Variants in GCFC2 observed in about 807,000 individuals in gnomAD.
GCFC2 encodes the protein intron Large complex component GCFC2.
A neutral mutation model predicts 99.4 loss-of-function variants in GCFC2; 102 were observed. The ratio of observed to expected loss-of-function variants is 1.03; its 90% CI spans 0.87 to 1.21. GCFC2 has a LOEUF of 1.21. Ranked by LOEUF, GCFC2 falls within the 50% of genes most tolerant of loss-of-function variation. GCFC2 has a pLI of 0.00. For synonymous variants in GCFC2, 338 were observed against 316.8 expected (o/e 1.07, Z -0.71); for missense variants, 973 against 920.9 (o/e 1.06, Z -0.73).
chr2:75,702,077 T>C (rs1680620254), intron 3 of GCFC2, 122 bp downstream of exon 3: 3 of 1,465,052 alleles, frequency 2.0e-6, no homozygotes, highest in East Asian at 5.0e-5. Context: ...ACCAAATCGA[T>C]GTTAAAAACC....
At position 75,689,059 on chromosome 2, in the gene GCFC2, T is replaced by G; in HGVS notation, c.1506A>C (p.Ile502=). The stretch of plus-strand genomic sequence containing the variant: ...GATTCCAATCAATCAACTGAACTCG[T>G]ATTAGGGGATTTAAAAGCTTTGGTA... The part of the protein sequence containing the change: ...LCIPKLLNPL[I]RVQLIDWNPL... Residue 502 remains isoleucine (I), a synonymous_variant, in exon 10 of 17, where the codon ATA becomes ATC. Transcript: ENST00000321027. The G allele has an allele frequency of 6.3e-7, 1 of 1,590,404 alleles. No homozygotes were observed. Among genetic ancestry groups the G allele is most frequent in the African/African-American group, 1.3e-5 (1 of 74,312 alleles).
chr2:75,687,059 T>C (rs760150252), intron 11 of GCFC2, among the ~76,000 whole-genome samples: 71 of 152,150 alleles, frequency 4.7e-4, no homozygotes, highest in Middle Eastern at 6.8e-3. Context: ...CTCAGCCTCC[T>C]GAGTAGCTGG....
intron 12 of GCFC2, among the ~76,000 whole-genome samples, chr2:75,675,155 A>G (rs904754252): frequency 1.1e-4 from 17 of 152,218 alleles, no homozygotes; most frequent in Admixed American, 3.3e-4. Context: ...ATCAACTGGC[A>G]AAAGTGGAAT....
intron 9 of GCFC2, among the ~76,000 whole-genome samples, 159 bp from the exon 10 acceptor site, chr2:75,689,384 A>G (rs1256576471): frequency 2.0e-5 from 3 of 152,134 alleles, no homozygotes; most frequent in Non-Finnish European, 4.4e-5. Context: ...CAAAGTAATA[A>G]TATCAACACT....
At chr2:75,700,584 A>G (rs1481887874) in intron 4 of GCFC2, among the ~76,000 whole-genome samples, 1 of 152,228 alleles carries the variant, frequency 6.6e-6, no homozygotes, top group Non-Finnish European at 1.5e-5. Context: ...TTAAAAGTAA[A>G]GCTTGAGGGC....
At chr2:75,711,127 C>T, upstream of GCFC2, 2 of 1,249,408 alleles carry the variant, frequency 1.6e-6, no homozygotes, top group Non-Finnish European at 2.0e-6. Context: ...ATTTTCACGG[C>T]CTATCCGGTC....
chr2:75,693,011 T>A (rs1050527802), intron 6 of GCFC2, among the ~76,000 whole-genome samples: 1 of 152,172 alleles, frequency 6.6e-6, no homozygotes, highest in Admixed American at 6.5e-5. Flanking sequence ...ACAGTGTAAT[T>A]TTTCAAGGGC....
Position 75,702,262 on chromosome 2 carries a change from C to T in GCFC2, c.556G>A (p.Glu186Lys). 1.9e-6 allele frequency: 3 copies of T among 1,613,074 alleles called. No homozygotes were observed. Among genetic ancestry groups the T allele is most frequent in the Non-Finnish European group, 1.7e-6 (2 of 1,179,012 alleles). Reference sequence around the variant, plus strand: ...CTTAGAGTAAATGGTATTCTCTTTTCATGGTCATCAGGCTCACTCTCAGGG... The same window carrying T: ...CTTAGAGTAAATGGTATTCTCTTTTTATGGTCATCAGGCTCACTCTCAGGG... Reference protein sequence around the residue: ...DDPESEPDDHEKRIPFTLRPQ... With the variant: ...DDPESEPDDHKKRIPFTLRPQ... The change falls in exon 3 of 17, where the codon GAA (glutamate) becomes AAA (lysine). Residue 186 changes from glutamate to lysine, a missense_variant. By Grantham distance (56) the Glu-to-Lys change is moderately conservative. Coordinates refer to ENST00000321027, the MANE Select transcript of GCFC2 (RefSeq NM_003203.5).
rs59705144 is a variant in GCFC2 at position 75,695,901 on chromosome 2, G to A, written c.833+299C>T. 9.0e-3 allele frequency among the ~76,000 whole-genome samples: 1,371 copies of A among 152,206 alleles called. 17 individuals carry two copies. Among genetic ancestry groups the A allele is most frequent in the African/African-American group, 0.031 (1,287 of 41,516 alleles). On this transcript the variant is annotated intron_variant, in intron 5 of 16. Coordinates refer to ENST00000321027, the MANE Select transcript of GCFC2 (RefSeq NM_003203.5). Reference sequence around the variant, plus strand: ...GCTCAAGATGTCATCACACTACTTAGAACAGCATGCAATTTAAAACATATG... The same window carrying A: ...GCTCAAGATGTCATCACACTACTTAAAACAGCATGCAATTTAAAACATATG...
chr2:75,705,321 G>C (rs1241389849), intron 2 of GCFC2, among the ~76,000 whole-genome samples: 2 of 152,026 alleles, frequency 1.3e-5, no homozygotes, highest in Non-Finnish European at 2.9e-5. Context: ...TTATTTAATA[G>C]GCTAATAAAG....
At chr2:75,680,409 CT>C in intron 11 of GCFC2, 95 bp from the exon 12 acceptor site, 1 of 929,056 alleles carries the variant, frequency 1.1e-6, no homozygotes, top group South Asian at 1.8e-5. Context: ...CACTACTTCC[CT>C]CCTTATTCAG....
At chr2:75,700,997 C>A (rs1446353879) in intron 4 of GCFC2, among the ~76,000 whole-genome samples, 193 bp downstream of exon 4, 1 of 152,094 alleles carries the variant, frequency 6.6e-6, no homozygotes, top group Non-Finnish European at 1.5e-5. Flanking sequence ...TTGCAAAAGG[C>A]AAGGAAGAAT....
At chr2:75,679,171 C>T (rs2104276169) in intron 12 of GCFC2, among the ~76,000 whole-genome samples, 1 of 152,288 alleles carries the variant, frequency 6.6e-6, no homozygotes. Context: ...AGATTACATG[C>T]TTCTTGAAGG....
chr2:75,676,742 C>G (rs1393115155), intron 12 of GCFC2, among the ~76,000 whole-genome samples: 1 of 152,156 alleles, frequency 6.6e-6, no homozygotes, highest in African/African-American at 2.4e-5. Flanking sequence ...TCTCTCTCAT[C>G]TTTTACTTAT....
Position 75,694,422 on chromosome 2 carries a change from G to T in GCFC2, c.839C>A (p.Thr280Lys). ...TGAGCGGTGAGTTTCCTGTAGTAAT[G>T]TTAATCTAAATAAATAAAATAAAAA... is the stretch of plus-strand genomic sequence containing the variant. ...IIKKQLNTRLTLLQETHRSHL... is the reference protein window; with the variant it reads ...IIKKQLNTRLKLLQETHRSHL... The change falls in exon 6 of 17, where the codon ACA becomes AAA. Residue 280 changes from threonine (T) to lysine (K), a missense_variant. Coordinates refer to ENST00000321027, the MANE Select transcript of GCFC2 (RefSeq NM_003203.5). 7.7e-7 allele frequency: 1 copy of T among 1,298,726 alleles called. No individual in the cohort carries two copies. Among genetic ancestry groups the T allele is most frequent in the Non-Finnish European group, 1.0e-6 (1 of 969,684 alleles). 80.5% of individuals were successfully genotyped at this position (1,298,726 alleles called of 1,614,324 possible).
chr2:75,698,486 T>C (rs982378409), intron 4 of GCFC2, among the ~76,000 whole-genome samples: 4 of 152,214 alleles, frequency 2.6e-5, no homozygotes, highest in Non-Finnish European at 5.9e-5. Flanking sequence ...ATTATATAGC[T>C]ATTAAAATCA....
chr2:75,688,899 A>C (rs1679930926), intron 10 of GCFC2, 127 bp downstream of exon 10: 2 of 588,444 alleles, frequency 3.4e-6, no homozygotes, highest in Non-Finnish European at 6.1e-6. Flanking sequence ...TTTTCTGACT[A>C]TTGTTCCAAA....
intron 6 of GCFC2, 41 bp from the exon 7 acceptor site, chr2:75,692,141 AATGAAATATAT>A (rs767822724): frequency 8.5e-6 from 6 of 707,590 alleles, no homozygotes; most frequent in Non-Finnish European, 1.2e-5. Flanking sequence ...GGTCATCGAT[AATGAAATATAT>A]ATATATATAT....
chr2:75,708,501 CTTTTT>C (rs34414596), intron 1 of GCFC2, among the ~76,000 whole-genome samples: 457 of 78,660 alleles, frequency 5.8e-3, no homozygotes, highest in Non-Finnish European at 8.8e-3. Flanking sequence ...CATTTGGCAA[CTTTTT>C]TTTTTTTTTT....
Sources: allele counts gnomAD v4.1 joint callset (sites outside exome capture counted in the v4.1 genomes callset), GRCh38; gene constraint gnomAD v4.1.1; transcripts MANE v1.5; gene names NCBI Gene and HGNC (gene_info 2026-07-23, HGNC 2026-07-21).